Variants in RBFOX1 observed in about 807,000 individuals in gnomAD.
RBFOX1 encodes the protein RNA binding fox-1 homolog 1, also known as RNA binding protein fox-1 homolog 1.
RBFOX1 carries 8 observed loss-of-function variants against 57.7 expected under a neutral mutation model. The observed-to-expected ratio is 0.14, with a 90% CI of 0.08 to 0.25. The LOEUF is 0.25. RBFOX1 is among the 10% of genes least tolerant of loss of function. The pLI is 1.00. For missense variants in RBFOX1, 611 were observed against 548.5 expected (o/e 1.11, Z -1.14); for synonymous variants, 326 against 222.4 (o/e 1.47, Z -4.15).
At chr16:5,679,311 A>G (rs1004491473) in intron 3 of RBFOX1, among the ~76,000 whole-genome samples, 8 of 152,020 alleles carry the variant, frequency 5.3e-5, no homozygotes, top group East Asian at 1.9e-4. Flanking sequence ...CCGAAGTTGT[A>G]TGACTGACCA....
intron 4 of RBFOX1, among the ~76,000 whole-genome samples, chr16:7,092,909 G>A (rs999661951): frequency 7.9e-5 from 12 of 152,290 alleles, no homozygotes; most frequent in Admixed American, 7.8e-4. Flanking sequence ...GGAGGCCTAA[G>A]TGTCATCTGT....
chr16:7,664,150 AAAT>A (rs1271394701), intron 12 of RBFOX1, among the ~76,000 whole-genome samples: 2 of 152,108 alleles, frequency 1.3e-5, no homozygotes, highest in African/African-American at 4.8e-5. Context: ...AAATACATAT[AAAT>A]AAGTATACAC....
chr16:7,708,073 A>C (rs886920864), intron 14 of RBFOX1, among the ~76,000 whole-genome samples: 2 of 152,020 alleles, frequency 1.3e-5, no homozygotes, highest in Admixed American at 1.3e-4. Flanking sequence ...GAGTGCAGTG[A>C]CTCACGCCTG....
rs560132970 is a variant in RBFOX1, at chr16:7,433,750, C to G, written c.28-84397C>G. Among the ~76,000 whole-genome samples the G allele has an allele frequency of 2.6e-5, 4 of 152,328 alleles. No homozygotes were observed. The South Asian group carries it at 8.3e-4, about 32-fold the overall frequency. On this transcript the variant is annotated intron_variant, in intron 4 of 15. Transcript: ENST00000550418. ...CCCATCCACCCAACCACCCATCCAT[C>G]TAATTATCCAGTCATCTAACTATCC...
At chr16:5,908,095 T>TATATATATATATACAC (rs1567133450) in intron 4 of RBFOX1, among the ~76,000 whole-genome samples, 15 of 139,878 alleles carry the variant, frequency 1.1e-4, no homozygotes, top group African/African-American at 4.5e-4. Flanking sequence ...TACACATATA[T>TATATATATATATACAC]ACACATATAT....
At chr16:7,555,990 A>T (rs2088319452) in intron 5 of RBFOX1, among the ~76,000 whole-genome samples, 1 of 149,394 alleles carries the variant, frequency 6.7e-6, no homozygotes, top group Non-Finnish European at 1.5e-5. Flanking sequence ...ATGCATTTCC[A>T]ACACCTGGAA....
chr16:6,644,938 C>T (rs979331863), intron 2 of RBFOX1, among the ~76,000 whole-genome samples: 5 of 152,148 alleles, frequency 3.3e-5, no homozygotes, highest in African/African-American at 4.8e-5. Flanking sequence ...TCTATGACTT[C>T]CGTAGCAAAT....
At chr16:5,847,351 T>A (rs1312653414) in intron 3 of RBFOX1, among the ~76,000 whole-genome samples, 10 of 136,064 alleles carry the variant, frequency 7.3e-5, no homozygotes, top group African/African-American at 2.4e-4. Flanking sequence ...AGTTTCCTTA[T>A]CTGAAAAAAA....
In RBFOX1 at chr16:7,061,204, C is replaced by T. The variant is rs187147102; in HGVS notation, c.27+9106C>T. Among the ~76,000 whole-genome samples, 336 of 152,300 alleles carry T rather than the reference C, an allele frequency of 2.2e-3. 2 individuals carry two copies. Among genetic ancestry groups the T allele is most frequent in the Middle Eastern group, 6.8e-3 (2 of 294 alleles). Reference sequence around the variant, plus strand: ...AGCTGCAGGAACTCAGGCAAATGATCCCCAGGGGCAGCTTCTCTAGTAAAA... The same window carrying T: ...AGCTGCAGGAACTCAGGCAAATGATTCCCAGGGGCAGCTTCTCTAGTAAAA... On this transcript the variant is annotated intron_variant, in intron 4 of 15. Coordinates refer to ENST00000550418, the MANE Select transcript of RBFOX1 (RefSeq NM_018723.4).
chr16:6,607,193 C>G (rs940117188), intron 2 of RBFOX1, among the ~76,000 whole-genome samples: 1 of 152,130 alleles, frequency 6.6e-6, no homozygotes, highest in African/African-American at 2.4e-5. Context: ...GTTCATCTGA[C>G]TACTGATTGG....
At chr16:6,208,645 A>G (rs2097271339) in intron 1 of RBFOX1, among the ~76,000 whole-genome samples, 1 of 152,340 alleles carries the variant, frequency 6.6e-6, no homozygotes, top group African/African-American at 2.4e-5. Flanking sequence ...CACAGTGGCC[A>G]TGTTTTAATC....
chr16:7,078,392 G>C (rs999746298), intron 4 of RBFOX1, among the ~76,000 whole-genome samples: 1 of 152,172 alleles, frequency 6.6e-6, no homozygotes, highest in Non-Finnish European at 1.5e-5. Context: ...CTATCATCCA[G>C]TCTGGAGTGC....
chr16:7,325,615 A>T (rs553644937), intron 4 of RBFOX1, among the ~76,000 whole-genome samples: 24 of 152,194 alleles, frequency 1.6e-4, no homozygotes, highest in African/African-American at 5.8e-4. Flanking sequence ...TTTTTGCTAG[A>T]TTAGTCCTCC....
chr16:6,702,541 G>A (rs183629590), intron 3 of RBFOX1, among the ~76,000 whole-genome samples: 1 of 130,608 alleles, frequency 7.7e-6, no homozygotes. Context: ...GTGACAGAGC[G>A]AGAGTCCATC....
At chr16:5,978,728 GT>G (rs1455141567) in intron 4 of RBFOX1, among the ~76,000 whole-genome samples, 2 of 151,260 alleles carry the variant, frequency 1.3e-5, no homozygotes, top group East Asian at 3.9e-4. Flanking sequence ...GTGTTGAGGG[GT>G]ACCAGTCCGG....
At chr16:5,550,065 G>A (rs1338398250) in intron 2 of RBFOX1, among the ~76,000 whole-genome samples, 4 of 152,198 alleles carry the variant, frequency 2.6e-5, no homozygotes, top group African/African-American at 9.7e-5. Context: ...TCATGTATAA[G>A]CAAATGCAAA....
intron 1 of RBFOX1, among the ~76,000 whole-genome samples, chr16:5,424,772 C>T (rs185790179): frequency 4.6e-5 from 7 of 151,916 alleles, no homozygotes. Context: ...ATCCCATCAC[C>T]CAGGTAAGTA....
intron 14 of RBFOX1, chr16:7,693,183 A>G (rs1428385111): frequency 1.0e-5 from 7 of 699,242 alleles, no homozygotes; most frequent in Non-Finnish European, 1.8e-5. Flanking sequence ...GAGGTACATC[A>G]GCACATTTCC....
At chr16:5,893,635 C>T (rs946391631) in intron 4 of RBFOX1, among the ~76,000 whole-genome samples, 6 of 152,042 alleles carry the variant, frequency 3.9e-5, no homozygotes, top group Admixed American at 1.3e-4. Context: ...GGCAAAACCC[C>T]GTCTCCACTA....
Sources: gnomAD v4.1 joint callset for allele counts (sites outside exome capture counted in the v4.1 genomes callset) on GRCh38, gnomAD v4.1.1 for gene constraint, MANE v1.5 for transcripts, NCBI Gene and HGNC (gene_info 2026-07-23, HGNC 2026-07-21) for gene names.